Variants in CTNNA3 observed in about 807,000 individuals in gnomAD.
CTNNA3 encodes catenin alpha-3.
A neutral mutation model predicts 95.7 loss-of-function variants in CTNNA3; 76 were observed. That is an observed-to-expected ratio of 0.79 (90% CI 0.66 to 0.96). CTNNA3 has a LOEUF of 0.96. Ranked by LOEUF, CTNNA3 falls within the 40% of genes least tolerant of loss-of-function variation. CTNNA3 has a pLI of 0.00. For synonymous variants in CTNNA3, 431 were observed against 374.4 expected (o/e 1.15, Z -1.74); for missense variants, 1,191 against 1,089.8 (o/e 1.09, Z -1.31).
chr10:65,966,830 C>A, intron 16 of CTNNA3, 84 bp from the exon 17 acceptor site: 1 of 1,035,074 alleles, frequency 9.7e-7, no homozygotes, highest in Non-Finnish European at 1.4e-6. Flanking sequence ...ATTCACATGG[C>A]AGGTACCTTA....
At chr10:67,107,747 G>A (rs774723756) in intron 7 of CTNNA3, among the ~76,000 whole-genome samples, 4 of 149,340 alleles carry the variant, frequency 2.7e-5, no homozygotes, top group Non-Finnish European at 4.4e-5. Context: ...AGCCAGGTGT[G>A]AGGGGGTCCC....
chr10:67,139,299 A>ATTTTTTTT (rs60290459), intron 7 of CTNNA3, among the ~76,000 whole-genome samples: 22 of 117,892 alleles, frequency 1.9e-4, no homozygotes, highest in African/African-American at 4.0e-4. Flanking sequence ...CGCCCGGCTA[A>ATTTTTTTT]TTTTTTTTTT....
intron 9 of CTNNA3, among the ~76,000 whole-genome samples, chr10:66,700,645 T>G (rs561783936): frequency 2.0e-5 from 3 of 152,310 alleles, no homozygotes; most frequent in Admixed American, 6.5e-5. Flanking sequence ...ATTTTAGAAT[T>G]TTTCCATTTT....
At chr10:66,009,203 A>G (rs2078957721) in intron 15 of CTNNA3, among the ~76,000 whole-genome samples, 1 of 152,124 alleles carries the variant, frequency 6.6e-6, no homozygotes, top group Admixed American at 6.5e-5. Context: ...TTTATTTTGC[A>G]ATGTTGCTGA....
chr10:67,395,239 G>C (rs1259802502), intron 5 of CTNNA3, among the ~76,000 whole-genome samples: 2 of 152,142 alleles, frequency 1.3e-5, no homozygotes, highest in Non-Finnish European at 2.9e-5. Context: ...TTGCTTTGCA[G>C]CTTGACCAGC....
chr10:66,420,838 T>TAAATAAATAAA lies in CTNNA3; in HGVS notation c.1532-41487_1532-41486insTTTATTTATTT, dbSNP rs905152645. Reference sequence around the variant, plus strand: ...ATAAATAAATAAATAAATAAATAAATAAAAAACAATATGGAGATTTCTCAA... The same window carrying TAAATAAATAAA: ...ATAAATAAATAAATAAATAAATAAATAAATAAATAAAAAAAAACAATATGGAGATTTCTCAA... On this transcript the variant is annotated intron_variant, in intron 11 of 17. Coordinates refer to ENST00000433211, the MANE Select transcript of CTNNA3 (RefSeq NM_013266.4). 4.8e-5 allele frequency among the ~76,000 whole-genome samples: 4 copies of TAAATAAATAAA among 83,006 alleles called. No homozygotes were observed. In the East Asian group the frequency reaches 1.0e-3, roughly 21 times the overall value. The allele number at this position is 83,006 out of a possible 152,430, so 54.5% of individuals were successfully genotyped here. A position where few individuals can be genotyped will look rare whatever the true frequency, so the allele number is the denominator to read the frequency against.
intron 5 of CTNNA3, among the ~76,000 whole-genome samples, chr10:67,297,248 C>T (rs1394981279): frequency 6.6e-6 from 1 of 152,180 alleles, no homozygotes; most frequent in African/African-American, 2.4e-5. Context: ...CCTCACACTC[C>T]ATGACAGTTC....
intron 7 of CTNNA3, among the ~76,000 whole-genome samples, chr10:67,043,715 T>C (rs1179365091): frequency 6.6e-6 from 1 of 152,154 alleles, no homozygotes; most frequent in African/African-American, 2.4e-5. Context: ...CATCCATCTT[T>C]ATATGTCTTT....
intron 11 of CTNNA3, among the ~76,000 whole-genome samples, chr10:66,380,296 A>C (rs1400582586): frequency 6.6e-6 from 1 of 151,882 alleles, no homozygotes; most frequent in Admixed American, 6.6e-5. Context: ...TCAGAGTCAC[A>C]CTTCCCTCTT....
intron 7 of CTNNA3, among the ~76,000 whole-genome samples, chr10:67,120,224 C>T (rs1417649143): frequency 2.0e-5 from 3 of 151,900 alleles, no homozygotes; most frequent in East Asian, 3.9e-4. Flanking sequence ...TTTCTACTTG[C>T]ATAATCCATT....
chr10:67,381,952 A>G (rs1417778337), intron 5 of CTNNA3, among the ~76,000 whole-genome samples: 1 of 152,122 alleles, frequency 6.6e-6, no homozygotes, highest in African/African-American at 2.4e-5. Context: ...TTACATGTAC[A>G]TTGGAAGTTC....
At chr10:67,438,423 T>C (rs772743055) in intron 5 of CTNNA3, among the ~76,000 whole-genome samples, 12 of 152,176 alleles carry the variant, frequency 7.9e-5, no homozygotes, top group Admixed American at 1.3e-4. Context: ...CATCAGATCC[T>C]GACAGTGAAA....
chr10:66,571,699 T>C (rs1015139590), intron 10 of CTNNA3, among the ~76,000 whole-genome samples: 5 of 152,140 alleles, frequency 3.3e-5, no homozygotes, highest in African/African-American at 1.2e-4. Context: ...ATAAGAACTT[T>C]ATAGATAATA....
chr10:66,420,253 C>T (rs548925048), intron 11 of CTNNA3, among the ~76,000 whole-genome samples: 23 of 152,216 alleles, frequency 1.5e-4, no homozygotes, highest in African/African-American at 5.3e-4. Context: ...GGAAGACATG[C>T]AAATGGCCAA....
intron 7 of CTNNA3, among the ~76,000 whole-genome samples, chr10:67,102,596 T>A (rs1340291950): frequency 6.6e-6 from 1 of 151,880 alleles, no homozygotes; most frequent in Non-Finnish European, 1.5e-5. Context: ...TTATAAATTT[T>A]GTGTTATATG....
In CTNNA3 at chr10:67,741,109, T is replaced by C. The variant is rs944207836; in HGVS notation, c.-2+22325A>G. 4.7e-5 allele frequency among the ~76,000 whole-genome samples: 7 copies of C among 150,040 alleles called. No individual in the cohort carries two copies. In the Admixed American group the frequency reaches 4.7e-4, roughly 10 times the overall value. The stretch of plus-strand genomic sequence containing the variant: ...TCACTCATAGGTGGGAACTGAACAA[T>C]GGAAACACATGGACACAGGAGGGGG... On this transcript the variant is annotated intron_variant, in intron 1 of 17. Transcript: ENST00000684154.
At position 67,727,750 on chromosome 10, in the gene CTNNA3, TTATATTA is replaced by T. The variant is rs201454190; in HGVS notation, c.-2+35677_-2+35683del. Among the ~76,000 whole-genome samples the T allele has an allele frequency of 7.7e-3, 987 of 127,542 alleles. 21 individuals carry two copies. Among genetic ancestry groups the T allele is most frequent in the African/African-American group, 0.028 (925 of 33,532 alleles). The allele number at this position is 127,542 out of a possible 152,430, so 83.7% of individuals were successfully genotyped here. The stretch of plus-strand genomic sequence containing the variant: ...CACTGTTGAGGAAGTCATAGCTTAC[TTATATTA>T]TATATTATATATAATATATAATATG... On this transcript the variant is annotated intron_variant, in intron 1 of 17. Transcript: ENST00000684154.
At chr10:67,022,669 G>C (rs904843648) in intron 7 of CTNNA3, among the ~76,000 whole-genome samples, 2 of 152,136 alleles carry the variant, frequency 1.3e-5, no homozygotes, top group African/African-American at 4.8e-5. Flanking sequence ...CGGGCACGGT[G>C]GTTCATGCCT....
intron 5 of CTNNA3, among the ~76,000 whole-genome samples, chr10:67,511,168 T>C (rs1235187478): frequency 2.0e-5 from 3 of 152,210 alleles, no homozygotes; most frequent in Non-Finnish European, 2.9e-5. Context: ...CTTTTCCTAA[T>C]TGAATACCCT....
Sources: gnomAD v4.1 joint callset for allele counts (sites outside exome capture counted in the v4.1 genomes callset) on GRCh38, gnomAD v4.1.1 for gene constraint, MANE v1.5 for transcripts, NCBI Gene and HGNC (gene_info 2026-07-23, HGNC 2026-07-21) for gene names.